The following PSMD9 variants were observed in gnomAD, a reference collection of about 807,000 sequenced individuals.
PSMD9 encodes the protein 26S proteasome non-ATPase regulatory subunit 9.
A neutral mutation model predicts 25.9 loss-of-function variants in PSMD9; 26 were observed. The ratio of observed to expected loss-of-function variants is 1.00; its 90% CI spans 0.73 to 1.39. The LOEUF (loss-of-function observed/expected upper bound fraction) is 1.39. Among genes scored for constraint, PSMD9 ranks in the 40% most tolerant of loss-of-function variants. The pLI is 0.00. For missense variants in PSMD9, 303 were observed against 299.3 expected, an observed-to-expected ratio of 1.01 and a Z score of -0.09; for synonymous variants, 110 against 114.5, an observed-to-expected ratio of 0.96 and a Z score of 0.25.
intron 4 of PSMD9, 71 bp from the exon 5 acceptor site, chr12:121,915,785 T>A (rs1879878669): frequency 1.6e-6 from 2 of 1,280,054 alleles, no homozygotes; most frequent in East Asian, 4.9e-5. Context: ...AAAAATGGGA[T>A]CTCAGCATTT....
intron 4 of PSMD9, among the ~76,000 whole-genome samples, chr12:121,910,594 C>G (rs1372947354): frequency 2.0e-5 from 3 of 151,584 alleles, no homozygotes; most frequent in African/African-American, 7.3e-5. Context: ...AACCCTATCT[C>G]TACTAAAAAT....
chr12:121,913,873 A>T (rs186736039), intron 4 of PSMD9, among the ~76,000 whole-genome samples: 1 of 151,538 alleles, frequency 6.6e-6, no homozygotes, highest in Non-Finnish European at 1.5e-5. Flanking sequence ...TAGAAGTTTT[A>T]GATTTTGATG....
chr12:121,898,605 A>C, intron 2 of PSMD9: 1 of 149,764 alleles, frequency 6.7e-6, no homozygotes, highest in Non-Finnish European at 1.5e-5. Context: ...CAGTGGTGCG[A>C]TCTCGGCTCA....
intron 1 of PSMD9, among the ~76,000 whole-genome samples, chr12:121,889,425 C>G (rs777026842): frequency 2.6e-5 from 4 of 152,098 alleles, no homozygotes; most frequent in African/African-American, 7.2e-5. Context: ...ACTGTGTTGC[C>G]CAGGTTGGTA....
At chr12:121,915,744 C>A in intron 4 of PSMD9, 112 bp from the exon 5 acceptor site, 2 of 951,752 alleles carry the variant, frequency 2.1e-6, no homozygotes, top group Non-Finnish European at 3.2e-6. Flanking sequence ...GATTATGCTG[C>A]AAATGTAAAT....
intron 1 of PSMD9, chr12:121,893,789 C>A (rs757819406): frequency 6.6e-6 from 1 of 152,230 alleles, no homozygotes; most frequent in Non-Finnish European, 1.5e-5. Context: ...TCTACAAAGA[C>A]TCTTTTTCAA....
At chr12:121,906,794 G>A (rs1371991290) in intron 4 of PSMD9, among the ~76,000 whole-genome samples, 2 of 148,660 alleles carry the variant, frequency 1.3e-5, no homozygotes, top group African/African-American at 5.0e-5. Context: ...AGCCTGGGCC[G>A]CACAGCGAGA....
intron 4 of PSMD9, among the ~76,000 whole-genome samples, chr12:121,907,906 T>C (rs568690009): frequency 1.5e-4 from 23 of 152,190 alleles, no homozygotes; most frequent in Middle Eastern, 3.4e-3. Context: ...TGGCCAAGCA[T>C]AGTGGCATGT....
chr12:121,906,771 G>A (rs1879566836), intron 4 of PSMD9, among the ~76,000 whole-genome samples: 1 of 150,934 alleles, frequency 6.6e-6, no homozygotes, highest in South Asian at 2.1e-4. Flanking sequence ...CCAAGATCAC[G>A]CCACTGCACT....
At position 121,916,299 on chromosome 12, in the gene PSMD9, T is replaced by C. The variant is rs373134121; in HGVS notation, c.660T>C (p.Pro220=). The C allele has an allele frequency of 1.1e-5, 17 of 1,614,050 alleles. No individual in the cohort carries two copies. The highest frequency in any genetic ancestry group is 3.3e-5 in the Admixed American group (2 of 59,990). ...GKGLLGCNII[P]LQR The stretch of plus-strand genomic sequence containing the variant: ...TTTCTTCCAGCTGCAACATTATTCC[T>C]CTGCAAAGATGATTGTCCCTGGGGA... The change falls in exon 6 of 6, where the codon CCT becomes CCC. Residue 220 remains proline, a synonymous_variant. Transcript: ENST00000541212.
At chr12:121,910,534 G>A (rs1338982393) in intron 4 of PSMD9, among the ~76,000 whole-genome samples, 2 of 151,766 alleles carry the variant, frequency 1.3e-5, no homozygotes, top group African/African-American at 4.8e-5. Flanking sequence ...GGCCAAGGTG[G>A]GCGGATCACC....
chr12:121,901,776 C>T (rs929602635), intron 3 of PSMD9, among the ~76,000 whole-genome samples: 2 of 149,210 alleles, frequency 1.3e-5, no homozygotes, highest in Non-Finnish European at 2.9e-5. Context: ...CCCAGGTTCA[C>T]GCCATTCTCC....
chr12:121,910,797 T>C, intron 4 of PSMD9: 1 of 324,096 alleles, frequency 3.1e-6, no homozygotes, highest in Non-Finnish European at 6.2e-6. Flanking sequence ...CATTAAAAAA[T>C]CTACACTTTA....
At chr12:121,911,814 A>G (rs1351373992) in intron 4 of PSMD9, among the ~76,000 whole-genome samples, 1 of 151,482 alleles carries the variant, frequency 6.6e-6, no homozygotes, top group Non-Finnish European at 1.5e-5. Context: ...CACCACTCCC[A>G]GCTAATTTTT....
chr12:121,899,700 G>C lies in PSMD9; in HGVS notation c.308G>C (p.Arg103Pro). ...VEEALHQLHA[R>P]DKEKQARDMA... ...GAGGCCCTGCACCAGCTGCACGCTC[G>C]CGACAAGGAGAAGCAGGCCCGGGAC... The change falls in exon 3 of 6, where the codon CGC (arginine) becomes CCC (proline). Residue 103 changes from arginine to proline, a missense_variant. Arg to Pro is a moderately radical substitution (Grantham distance 103, BLOSUM62 -2). Transcript: ENST00000541212. 6.2e-7 allele frequency: 1 copy of C among 1,614,052 alleles called. No homozygotes were observed. The highest frequency in any genetic ancestry group is 8.5e-7 in the Non-Finnish European group (1 of 1,179,982).
intron 4 of PSMD9, chr12:121,914,649 TGAGACCAG>T (rs1432689223): frequency 6.6e-6 from 1 of 151,874 alleles, no homozygotes; most frequent in Admixed American, 6.6e-5. Context: ...CCCAGGAGTT[TGAGACCAG>T]GCTGGCCAGT....
At chr12:121,912,144 A>G (rs1229104353) in intron 4 of PSMD9, among the ~76,000 whole-genome samples, 1 of 151,672 alleles carries the variant, frequency 6.6e-6, no homozygotes. Context: ...GGCTCAAGCA[A>G]TCCTCCCACC....
At chr12:121,895,120 C>G (rs1879195344) in intron 2 of PSMD9, among the ~76,000 whole-genome samples, 1 of 152,044 alleles carries the variant, frequency 6.6e-6, no homozygotes, top group East Asian at 1.9e-4. Flanking sequence ...ACATGACTCA[C>G]TGCAGTCTCA....
rs1565897312 is a variant in PSMD9, at chr12:121,916,286, G to A, written c.647G>A (p.Cys216Tyr). 2 of 1,614,152 alleles carry A rather than the reference G, an allele frequency of 1.2e-6. No homozygotes were observed. The highest frequency in any genetic ancestry group is 1.7e-5 in the Admixed American group (1 of 60,014). Residue 216 changes from cysteine to tyrosine, a missense_variant and splice_region_variant, in exon 6 of 6, where the codon TGC (cysteine) becomes TAC (tyrosine). Physicochemically the swap from Cys to Tyr is radical, Grantham distance 194. Coordinates refer to ENST00000541212, the MANE Select transcript of PSMD9 (RefSeq NM_002813.7). ...TRWAGKGLLG[C>Y]NIIPLQR ...ATTCCTTTTCTTCTTTCTTCCAGCTGCAACATTATTCCTCTGCAAAGATGA... is the reference window on the plus strand; with the variant it reads ...ATTCCTTTTCTTCTTTCTTCCAGCTACAACATTATTCCTCTGCAAAGATGA...
Sources: allele counts gnomAD v4.1 joint callset (sites outside exome capture counted in the v4.1 genomes callset), GRCh38; gene constraint gnomAD v4.1.1; transcripts MANE v1.5; gene names NCBI Gene and HGNC (gene_info 2026-07-23, HGNC 2026-07-21).